IQSEC1: variants seen among roughly 807,000 people sequenced by gnomAD.
The protein encoded by IQSEC1 is IQ motif and Sec7 domain ArfGEF 1.
In IQSEC1, 31 loss-of-function variants were observed where a neutral mutation model predicts 91.0. The ratio of observed to expected loss-of-function variants is 0.34; its 90% CI spans 0.26 to 0.46. The LOEUF (loss-of-function observed/expected upper bound fraction) is 0.46. Among genes scored for constraint, IQSEC1 ranks in the 20% least tolerant of loss-of-function variants. The probability of loss-of-function intolerance (pLI) is 1.00; values close to 1 mark genes in which losing one functional copy is unlikely to be tolerated. For synonymous variants in IQSEC1, 699 were observed against 662.6 expected, an observed-to-expected ratio of 1.05 and a Z score of -0.84; for missense variants, 1,388 against 1,575.6, an observed-to-expected ratio of 0.88 and a Z score of 2.02.
chr3:12,934,155 T>G (rs1319250094), intron 3 of IQSEC1, among the ~76,000 whole-genome samples: 2 of 152,208 alleles, frequency 1.3e-5, no homozygotes, highest in Admixed American at 1.3e-4. Flanking sequence ...CCGTGGCCTG[T>G]GCAGCAGTGA....
intron 2 of IQSEC1, among the ~76,000 whole-genome samples, chr3:13,085,802 T>C (rs1053769581): frequency 7.2e-5 from 11 of 152,228 alleles, no homozygotes; most frequent in African/African-American, 2.2e-4. Flanking sequence ...GAGGGGCATG[T>C]GGTTATCGGC....
At chr3:13,245,984 C>T in intron 1 of IQSEC1, among the ~76,000 whole-genome samples, 1 of 152,162 alleles carries the variant, frequency 6.6e-6, no homozygotes, top group East Asian at 1.9e-4. Flanking sequence ...AAGGCTAGGC[C>T]TGTCCCAACA....
chr3:13,194,437 G>A (rs115684224), intron 1 of IQSEC1, among the ~76,000 whole-genome samples: 2,706 of 152,186 alleles, frequency 0.018, 70 homozygotes, highest in African/African-American at 0.06. Context: ...CTCAGGTGCC[G>A]GGAGTGCCTC....
rs1553568912 is a variant in IQSEC1 at position 13,145,804 on chromosome 3, C to CGGCG, written c.302+18299_302+18300insCGCC. 3.2e-4 allele frequency among the ~76,000 whole-genome samples: 17 copies of CGGCG among 53,110 alleles called. 1 individual carries two copies. The highest frequency in any genetic ancestry group is 1.4e-3 in the Admixed American group (6 of 4,374). The allele number at this position is 53,110 out of a possible 152,430, so 34.8% of individuals were successfully genotyped here. ...GGGAGTGAACCTGGGCGCCCGGGGGCGGGGGGGGGGGGTCCTGATCATTGG... is the reference window on the plus strand; with the variant it reads ...GGGAGTGAACCTGGGCGCCCGGGGGCGGCGGGGGGGGGGGGGTCCTGATCATTGG... On this transcript the variant is annotated intron_variant, in intron 2 of 15. Transcript: ENST00000648114.
chr3:13,143,212 C>T (rs1706830292), intron 2 of IQSEC1, among the ~76,000 whole-genome samples: 1 of 152,344 alleles, frequency 6.6e-6, no homozygotes, highest in African/African-American at 2.4e-5. Flanking sequence ...ATGGAGGGCA[C>T]TCAGTGCATG....
chr3:13,220,625 C>T (rs1694639339), intron 1 of IQSEC1, among the ~76,000 whole-genome samples: 1 of 152,240 alleles, frequency 6.6e-6, no homozygotes, highest in African/African-American at 2.4e-5. Flanking sequence ...GTCAGCCTCA[C>T]GGCCATCGCT....
intron 1 of IQSEC1, among the ~76,000 whole-genome samples, chr3:13,032,380 C>T (rs1291321216): frequency 6.6e-6 from 1 of 152,158 alleles, no homozygotes; most frequent in Non-Finnish European, 1.5e-5. Flanking sequence ...AAGTGGACAG[C>T]GCAGGGCGGC....
In IQSEC1 at chr3:12,967,694, A is replaced by T. The variant is rs867703096; in HGVS notation, c.24-25829T>A. The T allele has an allele frequency of 2.1e-5, 24 of 1,144,816 alleles. No homozygotes were observed. Among genetic ancestry groups the T allele is most frequent in the Middle Eastern group, 3.6e-4 (1 of 2,782 alleles). The allele number at this position is 1,144,816 out of a possible 1,614,324, so 70.9% of individuals were successfully genotyped here. ...CCCTCCGCCGCCGCCCGCTTGGCGC[A>T]GCGCGAGGCCGGGCCGGAGGAATGT... On this transcript the variant is annotated intron_variant, in intron 1 of 13. Transcript: ENST00000613206. This position sits in a 1 kb window ranked among gnomAD's most constrained non-coding sequence, Gnocchi z 5.9.
intron 2 of IQSEC1, among the ~76,000 whole-genome samples, chr3:12,939,574 C>T (rs1451128525): frequency 6.6e-6 from 1 of 152,218 alleles, no homozygotes; most frequent in Non-Finnish European, 1.5e-5. Context: ...CCCATTCCCA[C>T]TTTTGCTGAG....
intron 1 of IQSEC1, among the ~76,000 whole-genome samples, chr3:13,001,972 T>C (rs1238023334): frequency 6.6e-6 from 1 of 152,026 alleles, no homozygotes; most frequent in African/African-American, 2.4e-5. Context: ...GGCAGGAGAA[T>C]CACTTGAACC....
chr3:12,902,149 G>A (rs1694383716), intron 13 of IQSEC1, among the ~76,000 whole-genome samples: 1 of 152,154 alleles, frequency 6.6e-6, no homozygotes. Flanking sequence ...AAAAAGATCT[G>A]CAAGCTGAGG....
chr3:13,193,910 A>G lies in IQSEC1; in HGVS notation c.273-29777T>C, dbSNP rs908399591. Reference sequence around the variant, plus strand: ...GCCCTGGGGCTTCGGCCACAGACCAAGCTTGGTTTCCTCACAGCTCTGGAG... The same window carrying G: ...GCCCTGGGGCTTCGGCCACAGACCAGGCTTGGTTTCCTCACAGCTCTGGAG... On this transcript the variant is annotated intron_variant, in intron 1 of 15. Transcript: ENST00000648114. The surrounding 1 kb of genome is among the most constrained non-coding windows in gnomAD (Gnocchi z 4.2). Among the ~76,000 whole-genome samples the G allele has an allele frequency of 3.3e-5, 5 of 152,298 alleles. No homozygotes were observed. Among genetic ancestry groups the G allele is most frequent in the South Asian group, 4.1e-4 (2 of 4,822 alleles).
chr3:13,066,175 A>G (rs578094344), intron 1 of IQSEC1, among the ~76,000 whole-genome samples: 135 of 152,308 alleles, frequency 8.9e-4, no homozygotes, highest in Non-Finnish European at 1.6e-3. Flanking sequence ...GGCACTGTGA[A>G]TGCACTTACT....
Position 12,922,267 on chromosome 3 carries a change from C to A in IQSEC1, c.1731-25G>T, listed in dbSNP as rs753559979. ...GCTGGAATAGAGACAGACAGCCCCGCATAAGCACCCCTTGCAGGTGCGACA... is the reference window on the plus strand; with the variant it reads ...GCTGGAATAGAGACAGACAGCCCCGAATAAGCACCCCTTGCAGGTGCGACA... On this transcript the variant is annotated intron_variant, in intron 4 of 13. Coordinates refer to ENST00000613206, the MANE Select transcript of IQSEC1 (RefSeq NM_001134382.3). This position sits in a 1 kb window ranked among gnomAD's most constrained non-coding sequence, Gnocchi z 5.1. 9 of 1,548,676 alleles carry A rather than the reference C, an allele frequency of 5.8e-6. No individual in the cohort carries two copies. Among genetic ancestry groups the A allele is most frequent in the Non-Finnish European group, 7.9e-6 (9 of 1,137,150 alleles).
intron 2 of IQSEC1, among the ~76,000 whole-genome samples, chr3:13,095,828 G>T (rs1046676774): frequency 6.6e-6 from 1 of 152,212 alleles, no homozygotes; most frequent in Non-Finnish European, 1.5e-5. Flanking sequence ...ACGCAAAAGC[G>T]CTGAGCCAGC....
chr3:13,113,832 TGTTGGTGAAAGCGAAACA>T (rs965867580), intron 2 of IQSEC1, among the ~76,000 whole-genome samples: 2 of 152,228 alleles, frequency 1.3e-5, no homozygotes, highest in African/African-American at 4.8e-5. Context: ...TGTGCCTAGC[TGTTGGTGAAAGCGAAACA>T]GTGGAAGCAC....
chr3:13,109,521 A>G (rs151236677), intron 2 of IQSEC1, among the ~76,000 whole-genome samples: 15 of 152,170 alleles, frequency 9.9e-5, no homozygotes, highest in South Asian at 6.2e-4. Context: ...GTCATCCCCA[A>G]TGCTGGAGGT....
rs560905255 is a variant in IQSEC1, at chr3:13,234,526, A to AC, written c.272+48184dup. On this transcript the variant is annotated intron_variant, in intron 1 of 15. Coordinates refer to the IQSEC1 transcript ENST00000648114. Reference sequence around the variant, plus strand: ...TGAAACACCTGAATTTCTTCTAAGTACCCCCCTACCCCATGTCATCTTGCG... The same window carrying AC: ...TGAAACACCTGAATTTCTTCTAAGTACCCCCCCTACCCCATGTCATCTTGCG... Among the ~76,000 whole-genome samples, 36 of 151,908 alleles carry AC rather than the reference A, an allele frequency of 2.4e-4. No homozygotes were observed. The South Asian group carries it at 6.9e-3, about 29-fold the overall frequency.
intron 1 of IQSEC1, among the ~76,000 whole-genome samples, chr3:13,032,154 GC>G (rs1703865544): frequency 6.6e-6 from 1 of 152,078 alleles, no homozygotes; most frequent in Non-Finnish European, 1.5e-5. Flanking sequence ...CCCACCTCAA[GC>G]CCCCTACTCC....
Sources: gnomAD v4.1 joint callset for allele counts (sites outside exome capture counted in the v4.1 genomes callset) on GRCh38, gnomAD v4.1.1 for gene constraint, Gnocchi (gnomAD v3.1) non-coding constraint, MANE v1.5 for transcripts, NCBI Gene and HGNC (gene_info 2026-07-23, HGNC 2026-07-21) for gene names.